SUSD1: variants seen among roughly 807,000 people sequenced by gnomAD.
The protein encoded by SUSD1 is sushi domain containing 1.
A neutral mutation model predicts 86.9 loss-of-function variants in SUSD1; 65 were observed. The observed-to-expected ratio is 0.75, with a 90% CI of 0.61 to 0.92. SUSD1 has a LOEUF of 0.92. Among genes scored for constraint, SUSD1 ranks in the 40% least tolerant of loss-of-function variants. The pLI is 0.00. For missense variants in SUSD1, 850 were observed against 929.7 expected (o/e 0.91, Z 1.11); for synonymous variants, 346 against 350.0 (o/e 0.99, Z 0.13).
Position 112,112,777 on chromosome 9 carries a change from T to A in SUSD1, c.978A>T (p.Ser326=), listed in dbSNP as rs780542145. 40 of 1,599,440 alleles carry A rather than the reference T, an allele frequency of 2.5e-5. No homozygotes were observed. The highest frequency in any genetic ancestry group is 3.1e-5 in the Non-Finnish European group (36 of 1,166,900). ...AGTAGATCACTTTACTTACCACATA[T>A]GAGATCTTGGGGTTTATTCTTCTTG... ...INSRRINPKI[S]YVISIKGQRL... is the part of the protein sequence containing the mutation. Residue 326 remains serine (S), a synonymous_variant, in exon 7 of 17, where the codon TCA becomes TCT. Coordinates refer to ENST00000374270, the MANE Select transcript of SUSD1 (RefSeq NM_022486.5).
At chr9:112,124,149 A>G in intron 6 of SUSD1, 108 bp downstream of exon 6, 1 of 1,088,014 alleles carries the variant, frequency 9.2e-7, no homozygotes, top group Non-Finnish European at 1.3e-6. Flanking sequence ...TAAATAGCCG[A>G]GCTGGGTACA....
At position 112,084,834 on chromosome 9, in the gene SUSD1, C is replaced by A. The variant is rs573645278; in HGVS notation, c.1475-4669G>T. The stretch of plus-strand genomic sequence containing the variant: ...CCGCTGGGCCAATGTGATCTAGAAT[C>A]CTGAAGTTGAAAAACCAGAACTGCA... On this transcript the variant is annotated intron_variant, in intron 10 of 16. Transcript: ENST00000374270. Among the ~76,000 whole-genome samples the A allele has an allele frequency of 3.9e-5, 6 of 152,230 alleles. No homozygotes were observed. In the East Asian group the frequency reaches 1.2e-3, roughly 29 times the overall value.
chr9:112,072,163 T>G (rs1665677821), intron 12 of SUSD1, among the ~76,000 whole-genome samples: 1 of 147,802 alleles, frequency 6.8e-6, no homozygotes, highest in Non-Finnish European at 1.5e-5. Context: ...TTTTGTTTTT[T>G]TTTTTGAGAC....
At position 112,142,490 on chromosome 9, in the gene SUSD1, C is replaced by T; in HGVS notation, c.536G>A (p.Cys179Tyr). The change falls in exon 5 of 17, where the codon TGT becomes TAT. Residue 179 changes from cysteine (C) to tyrosine (Y), a missense_variant. By Grantham distance (194) the Cys-to-Tyr change is radical. Transcript: ENST00000374270. ...TDATSCTEIDCGTPPEVPDGY... is the reference protein window; with the variant it reads ...TDATSCTEIDYGTPPEVPDGY... ...ATCTGGAACCTCAGGAGGGGTACCACAGTCTATTTCTGAAAATAAATTAAT... is the reference window on the plus strand; with the variant it reads ...ATCTGGAACCTCAGGAGGGGTACCATAGTCTATTTCTGAAAATAAATTAAT... 1 of 1,600,942 alleles carries T rather than the reference C, an allele frequency of 6.2e-7. No individual in the cohort carries two copies. Among genetic ancestry groups the T allele is most frequent in the Non-Finnish European group, 8.5e-7 (1 of 1,177,248 alleles).
At chr9:112,046,501 T>G (rs1192349437) in intron 15 of SUSD1, among the ~76,000 whole-genome samples, 1 of 151,994 alleles carries the variant, frequency 6.6e-6, no homozygotes, top group Non-Finnish European at 1.5e-5. Flanking sequence ...TCAGGAGGAG[T>G]GATGGGGCCT....
intron 12 of SUSD1, among the ~76,000 whole-genome samples, chr9:112,064,149 C>T (rs1828867467): frequency 6.6e-6 from 1 of 152,062 alleles, no homozygotes; most frequent in Non-Finnish European, 1.5e-5. Context: ...CTGCCTGAAG[C>T]CTGGTCTACA....
intron 15 of SUSD1, chr9:112,052,026 G>T: frequency 1.5e-6 from 1 of 662,950 alleles, no homozygotes; most frequent in Non-Finnish European, 2.1e-6. Flanking sequence ...TGTTTTCCCA[G>T]TGAAATCGGT....
chr9:112,098,813 T>C, intron 9 of SUSD1, 151 bp from the exon 10 acceptor site: 2 of 729,616 alleles, frequency 2.7e-6, no homozygotes, highest in Admixed American at 2.7e-5. Context: ...CAAGCTAACC[T>C]GAGGAAGGAC....
intron 13 of SUSD1, among the ~76,000 whole-genome samples, chr9:112,060,320 G>C (rs991364063): frequency 6.6e-6 from 1 of 152,136 alleles, no homozygotes; most frequent in African/African-American, 2.4e-5. Flanking sequence ...GGAGTGCAGT[G>C]GTGTGATCTC....
intron 1 of SUSD1, among the ~76,000 whole-genome samples, chr9:112,171,603 T>C (rs1482775759): frequency 6.6e-6 from 1 of 152,110 alleles, no homozygotes; most frequent in Non-Finnish European, 1.5e-5. Flanking sequence ...GAAATATGAA[T>C]AGCACTCATT....
chr9:112,047,546 A>T (rs568005359), intron 15 of SUSD1, among the ~76,000 whole-genome samples: 56 of 152,290 alleles, frequency 3.7e-4, no homozygotes, highest in African/African-American at 1.3e-3. Flanking sequence ...ATATCCTCTG[A>T]AACTCACTTG....
chr9:112,169,623 C>A (rs917651245), intron 1 of SUSD1, among the ~76,000 whole-genome samples: 1 of 151,688 alleles, frequency 6.6e-6, no homozygotes, highest in African/African-American at 2.4e-5. Context: ...TAACCCCTAC[C>A]GGTTCTTTTC....
At chr9:112,073,931 AAGG>A (rs979999769) in intron 12 of SUSD1, among the ~76,000 whole-genome samples, 3 of 151,950 alleles carry the variant, frequency 2.0e-5, no homozygotes, top group African/African-American at 7.2e-5. Flanking sequence ...AAAGGAAGGG[AAGG>A]AGGCCAGTGC....
intron 1 of SUSD1, among the ~76,000 whole-genome samples, chr9:112,165,965 G>GAA (rs1181372233): frequency 6.6e-6 from 1 of 150,584 alleles, no homozygotes; most frequent in Admixed American, 6.6e-5. Context: ...AAGAAAGAAA[G>GAA]AAAGAAAGAA....
At chr9:112,170,538 A>G (rs1833993304) in intron 1 of SUSD1, among the ~76,000 whole-genome samples, 1 of 151,944 alleles carries the variant, frequency 6.6e-6, no homozygotes, top group Admixed American at 6.6e-5. Context: ...TGCCATATCA[A>G]TTACGCGAAA....
chr9:112,078,811 C>CTTTT lies in SUSD1; in HGVS notation c.1567-91_1567-88dup, dbSNP rs71496739. On this transcript the variant is annotated intron_variant, in intron 11 of 16. Transcript: ENST00000374270. ...ACCTCCCCTTTTCCTTTTTCTTTCT[C>CTTTT]TTTTTTTTTTTTTTTTTTTGAGATG... is the stretch of plus-strand genomic sequence containing the variant. The CTTTT allele has an allele frequency of 2.9e-3, 1,861 of 639,952 alleles. 1 individual carries two copies. Among genetic ancestry groups the CTTTT allele is most frequent in the Non-Finnish European group, 3.4e-3 (1,457 of 429,564 alleles). 39.6% of individuals were successfully genotyped at this position (639,952 alleles called of 1,614,324 possible).
chr9:112,133,420 A>G (rs1159011972), intron 5 of SUSD1, among the ~76,000 whole-genome samples: 1 of 152,236 alleles, frequency 6.6e-6, no homozygotes, highest in East Asian at 1.9e-4. Flanking sequence ...ACACCTGATC[A>G]GTCACCTTAT....
chr9:112,063,126 G>T (rs2131501683), intron 12 of SUSD1, 93 bp from the exon 13 acceptor site: 12 of 753,210 alleles, frequency 1.6e-5, no homozygotes, highest in Non-Finnish European at 2.3e-5. Context: ...CAAAAAGAAA[G>T]TTTTAATTTC....
At chr9:112,098,773 GC>G in intron 9 of SUSD1, 111 bp from the exon 10 acceptor site, 1 of 995,718 alleles carries the variant, frequency 1.0e-6, no homozygotes, top group Non-Finnish European at 1.5e-6. Flanking sequence ...ATTTATCCTT[GC>G]CCACTTAGAA....
Sources: gnomAD v4.1 joint callset for allele counts (sites outside exome capture counted in the v4.1 genomes callset) on GRCh38, gnomAD v4.1.1 for gene constraint, MANE v1.5 for transcripts, NCBI Gene and HGNC (gene_info 2026-07-23, HGNC 2026-07-21) for gene names.